Variants in FOXP2 observed in about 807,000 individuals in gnomAD.
The protein encoded by FOXP2 is forkhead box P2.
In FOXP2, 12 loss-of-function variants were observed where a neutral mutation model predicts 115.8. The observed-to-expected ratio is 0.10, with a 90% CI of 0.07 to 0.17. The LOEUF is 0.17. FOXP2 is among the 10% of genes least tolerant of loss of function. The pLI is 1.00. For missense variants in FOXP2, 629 were observed against 843.5 expected (o/e 0.75, Z 3.15); for synonymous variants, 328 against 297.7 (o/e 1.10, Z -1.05).
rs1799293953 is a variant in FOXP2, at chr7:114,534,700, A to T, written c.252A>T (p.Pro84=). 1 of 1,611,238 alleles carries T rather than the reference A, an allele frequency of 6.2e-7. No homozygotes were observed. The highest frequency in any genetic ancestry group is 8.5e-7 in the Non-Finnish European group (1 of 1,177,902). Residue 84 remains proline, a synonymous_variant, in exon 3 of 17, where the codon CCA becomes CCT. Transcript: ENST00000350908. The part of the protein sequence containing the change: ...KSPKSSDKQR[P]LQVPVSVAMM... ...CTAAGAGCAGTGATAAACAGAGACC[A>T]CTGCAGGTTAGTAAAGCACTCCTGT... is the stretch of plus-strand genomic sequence containing the variant.
intron 1 of FOXP2, among the ~76,000 whole-genome samples, chr7:114,421,009 ATTAG>A (rs1227356631): frequency 6.6e-6 from 1 of 151,632 alleles, no homozygotes; most frequent in Non-Finnish European, 1.5e-5. Context: ...TTTTTGAGTA[ATTAG>A]TTAACCAGAA....
intron 3 of FOXP2, among the ~76,000 whole-genome samples, chr7:114,580,099 T>G (rs1801771755): frequency 6.6e-6 from 1 of 152,200 alleles, no homozygotes; most frequent in Admixed American, 6.5e-5. Context: ...TGTAAGATTT[T>G]GAGTAAGGAA....
intron 2 of FOXP2, among the ~76,000 whole-genome samples, chr7:114,453,062 C>T (rs962431638): frequency 2.6e-4 from 39 of 151,884 alleles, no homozygotes; most frequent in Admixed American, 2.2e-3. Context: ...GTTCCAGAAA[C>T]GAAAAACTGA....
chr7:114,483,830 A>T (rs998893697), intron 2 of FOXP2, among the ~76,000 whole-genome samples: 3 of 151,770 alleles, frequency 2.0e-5, no homozygotes, highest in African/African-American at 7.2e-5. Context: ...AATAAATGGG[A>T]CATTTTAGTG....
intron 2 of FOXP2, among the ~76,000 whole-genome samples, chr7:114,332,067 C>T (rs945732220): frequency 6.6e-6 from 1 of 151,940 alleles, no homozygotes; most frequent in Non-Finnish European, 1.5e-5. Flanking sequence ...CAAGTGAACC[C>T]CATCAATTTG....
intron 2 of FOXP2, among the ~76,000 whole-genome samples, chr7:114,396,542 A>AT (rs993031330): frequency 2.6e-5 from 4 of 151,076 alleles, no homozygotes; most frequent in East Asian, 1.9e-4. Flanking sequence ...CCTATTTTTA[A>AT]TTTTTTTTTA....
intron 2 of FOXP2, among the ~76,000 whole-genome samples, chr7:114,339,421 G>A (rs1365380098): frequency 1.3e-5 from 2 of 151,102 alleles, no homozygotes; most frequent in Non-Finnish European, 3.0e-5. Flanking sequence ...TGCTTTTTGT[G>A]AACTTTTTTT....
chr7:114,142,928 G>A (rs922982095), intron 1 of FOXP2, among the ~76,000 whole-genome samples: 3 of 151,890 alleles, frequency 2.0e-5, no homozygotes, highest in Non-Finnish European at 2.9e-5. Context: ...TGAGAAGATC[G>A]ATTGAGTCCA....
intron 1 of FOXP2, among the ~76,000 whole-genome samples, chr7:114,260,638 A>G (rs2129171179): frequency 6.6e-6 from 1 of 152,294 alleles, no homozygotes; most frequent in South Asian, 2.1e-4. Context: ...TAATAATTTA[A>G]GAAAAAAACG....
rs191158325 is a variant in FOXP2 at position 114,433,237 on chromosome 7, T to C, written c.168+6558T>C. 4.0e-3 allele frequency among the ~76,000 whole-genome samples: 605 copies of C among 152,128 alleles called. 3 individuals are homozygous for C. The highest frequency in any genetic ancestry group is 0.018 in the South Asian group (88 of 4,824). On this transcript the variant is annotated intron_variant, in intron 2 of 16. Transcript: ENST00000350908. ...TTTAAATCCATTCAGTTAATAAAAG[T>C]ATATCTGGTTCATGTTAGAGACTGA... is the stretch of plus-strand genomic sequence containing the variant.
intron 1 of FOXP2, among the ~76,000 whole-genome samples, chr7:114,211,939 G>A (rs1378521231): frequency 6.6e-6 from 1 of 152,010 alleles, no homozygotes; most frequent in East Asian, 1.9e-4. Context: ...TGGACGTAGT[G>A]GTGGGTGTCT....
chr7:114,321,737 T>C (rs950345235), intron 2 of FOXP2, among the ~76,000 whole-genome samples: 1 of 152,216 alleles, frequency 6.6e-6, no homozygotes, highest in African/African-American at 2.4e-5. Context: ...CTCCATGACA[T>C]GTACTTGAAA....
chr7:114,454,889 G>A (rs1177561045), intron 2 of FOXP2, among the ~76,000 whole-genome samples: 1 of 114,328 alleles, frequency 8.7e-6, no homozygotes, highest in Non-Finnish European at 1.8e-5. Context: ...GGAGGGGGGA[G>A]GGATAGCATT....
intron 2 of FOXP2, among the ~76,000 whole-genome samples, chr7:114,492,814 G>A (rs1250596735): frequency 6.6e-6 from 1 of 152,120 alleles, no homozygotes; most frequent in East Asian, 1.9e-4. Context: ...CATTTGCTGA[G>A]GAGTGCTTTA....
intron 16 of FOXP2, among the ~76,000 whole-genome samples, chr7:114,676,242 A>T (rs953524755): frequency 6.6e-6 from 1 of 151,980 alleles, no homozygotes; most frequent in African/African-American, 2.4e-5. Flanking sequence ...AACGTTTTCT[A>T]TCGGAGCTAG....
upstream of FOXP2, among the ~76,000 whole-genome samples, chr7:114,161,610 C>G (rs1036730821): frequency 6.6e-6 from 1 of 151,314 alleles, no homozygotes; most frequent in Non-Finnish European, 1.5e-5. Flanking sequence ...AAAGTGCTAT[C>G]ATGCACATTT....
intron 3 of FOXP2, among the ~76,000 whole-genome samples, chr7:114,564,405 A>T (rs1158685614): frequency 6.6e-6 from 1 of 152,136 alleles, no homozygotes; most frequent in African/African-American, 2.4e-5. Flanking sequence ...CCATGGATAG[A>T]ATTCAGGAGG....
At chr7:114,522,667 T>G (rs1445700052) in intron 2 of FOXP2, among the ~76,000 whole-genome samples, 4 of 152,200 alleles carry the variant, frequency 2.6e-5, no homozygotes, top group African/African-American at 9.7e-5. Context: ...CCGTAAAATT[T>G]ACATGGATGT....
chr7:114,338,352 C>T (rs1797908844), intron 2 of FOXP2, among the ~76,000 whole-genome samples: 1 of 150,666 alleles, frequency 6.6e-6, no homozygotes, highest in South Asian at 2.1e-4. Context: ...TTTTTATGAG[C>T]AATAATAAGC....
Sources: allele counts gnomAD v4.1 joint callset (sites outside exome capture counted in the v4.1 genomes callset), GRCh38; gene constraint gnomAD v4.1.1; transcripts MANE v1.5; gene names NCBI Gene and HGNC (gene_info 2026-07-23, HGNC 2026-07-21).